The following KIF13B variants were observed in gnomAD, a reference collection of about 807,000 sequenced individuals.
KIF13B encodes the protein kinesin-like protein KIF13B.
Under a neutral mutation model 222.0 loss-of-function variants are expected in KIF13B, and 127 were observed. That is an observed-to-expected ratio of 0.57 (90% CI 0.50 to 0.66). The LOEUF (loss-of-function observed/expected upper bound fraction) is 0.66. KIF13B is among the 30% of genes least tolerant of loss of function. The probability of loss-of-function intolerance (pLI) is 0.00; values close to 1 mark genes in which losing one functional copy is unlikely to be tolerated. For synonymous variants in KIF13B, 976 were observed against 919.0 expected (o/e 1.06, Z -1.12); for missense variants, 2,173 against 2,379.0 (o/e 0.91, Z 1.80).
chr8:29,263,027 T>G lies in KIF13B; in HGVS notation c.8A>C (p.Asp3Ala), dbSNP rs756089214. 6.3e-7 allele frequency: 1 copy of G among 1,591,304 alleles called. No homozygotes were observed. The highest frequency in any genetic ancestry group is 1.1e-5 in the South Asian group (1 of 87,674). Residue 3 changes from aspartate to alanine, a missense_variant, in exon 1 of 40, where the codon GAC (aspartate) becomes GCC (alanine). Coordinates refer to ENST00000524189, the MANE Select transcript of KIF13B (RefSeq NM_015254.4). Reference sequence around the variant, plus strand: ...CCGCACCGCCACTTTCACTTTGGAGTCCCCCATCCTGCAGCCGCCGAGGAA... The same window carrying G: ...CCGCACCGCCACTTTCACTTTGGAGGCCCCCATCCTGCAGCCGCCGAGGAA... MGDSKVKVAVRIR... is the reference protein window; with the variant it reads MGASKVKVAVRIR...
At chr8:29,156,695 T>A (rs2323467) in intron 13 of KIF13B, among the ~76,000 whole-genome samples, 120,478 of 144,250 alleles carry the variant, frequency 0.84, 50,810 homozygotes, top group Non-Finnish European at 0.89. Context: ...TTTTTTTTTT[T>A]TTTTTTGTAG....
In KIF13B at chr8:29,188,563, T is replaced by C; in HGVS notation, c.268A>G (p.Asn90Asp). 6.2e-7 allele frequency: 1 copy of C among 1,612,544 alleles called. No individual in the cohort carries two copies. The highest frequency in any genetic ancestry group is 8.5e-7 in the Non-Finnish European group (1 of 1,178,856). Residue 90 changes from asparagine (N) to aspartate (D), a missense_variant, in exon 5 of 40, where the codon AAT (asparagine) becomes GAT (aspartate). Physicochemically the swap from Asn to Asp is conservative, Grantham distance 23 (BLOSUM62 1). This residue lies in a region of KIF13B where 1,480 missense variants were observed against 1,722.8 expected (regional missense o/e 0.86). Coordinates refer to ENST00000524189, the MANE Select transcript of KIF13B (RefSeq NM_015254.4). ...CATGCATTGTAGCCATCAAAAGCAT[T>C]CTGCAGGATATTCTCTCCAAGGCAC... ...FKCLGENILQ[N>D]AFDGYNACIF...
chr8:29,239,656 T>C lies in KIF13B; in HGVS notation c.149+5690A>G, dbSNP rs115025654. Among the ~76,000 whole-genome samples the C allele has an allele frequency of 3.1e-3, 475 of 152,300 alleles. 6 individuals are homozygous for C. The highest frequency in any genetic ancestry group is 0.011 in the African/African-American group (458 of 41,566). ...CATTACACAATATACCCTTGTTTTTTTTGTTTGTTTGCTTGTTTTGTTTTG... is the reference window on the plus strand; with the variant it reads ...CATTACACAATATACCCTTGTTTTTCTTGTTTGTTTGCTTGTTTTGTTTTG... On this transcript the variant is annotated intron_variant, in intron 2 of 39. Coordinates refer to ENST00000524189, the MANE Select transcript of KIF13B (RefSeq NM_015254.4).
In KIF13B at chr8:29,211,655, A is replaced by G. The variant is rs1258637799; in HGVS notation, c.150-15456T>C. ...CCAAGCAGCCAGAAAAATCACCAGG[A>G]AACAACTAGTACTGAGGAAGCATGT... On this transcript the variant is annotated intron_variant, in intron 2 of 39. Transcript: ENST00000524189. 2.6e-5 allele frequency among the ~76,000 whole-genome samples: 4 copies of G among 152,200 alleles called. No homozygotes were observed. The East Asian group carries it at 7.7e-4, about 29-fold the overall frequency.
chr8:29,243,014 C>T (rs1008988049), intron 2 of KIF13B, among the ~76,000 whole-genome samples: 3 of 152,130 alleles, frequency 2.0e-5, no homozygotes, highest in African/African-American at 7.2e-5. Context: ...TGGTAGACAT[C>T]TATACTCAAG....
chr8:29,130,100 C>A (rs779575619), intron 24 of KIF13B, among the ~76,000 whole-genome samples: 1 of 152,168 alleles, frequency 6.6e-6, no homozygotes, highest in Non-Finnish European at 1.5e-5. Flanking sequence ...CAAATCAATT[C>A]TTTCTAAAGC....
chr8:29,251,391 C>A (rs888603390), intron 1 of KIF13B, among the ~76,000 whole-genome samples: 2 of 152,192 alleles, frequency 1.3e-5, no homozygotes, highest in Non-Finnish European at 2.9e-5. Context: ...CAAGCACCCA[C>A]TGACGAATGG....
chr8:29,156,939 A>G (rs555139552), intron 13 of KIF13B, among the ~76,000 whole-genome samples: 2 of 152,238 alleles, frequency 1.3e-5, no homozygotes, highest in Admixed American at 1.3e-4. Context: ...CTAACCCAAC[A>G]GAAGTCTATT....
chr8:29,136,475 G>A (rs1810558826), intron 21 of KIF13B, among the ~76,000 whole-genome samples: 1 of 152,070 alleles, frequency 6.6e-6, no homozygotes, highest in South Asian at 2.1e-4. Context: ...AGCTACTCAG[G>A]AGACTGAGAC....
At chr8:29,116,084 T>C (rs74564371) in intron 31 of KIF13B, among the ~76,000 whole-genome samples, 20 of 152,218 alleles carry the variant, frequency 1.3e-4, no homozygotes, top group Admixed American at 1.3e-3. Context: ...TCTTTTTGTT[T>C]CTTTTTTGAG....
At chr8:29,206,322 G>C (rs1309037444) in intron 2 of KIF13B, among the ~76,000 whole-genome samples, 2 of 152,154 alleles carry the variant, frequency 1.3e-5, no homozygotes, top group Admixed American at 6.5e-5. Context: ...GTATGCTGAC[G>C]CATGCTTGAT....
At chr8:29,262,729 G>A (rs889431161) in intron 1 of KIF13B, among the ~76,000 whole-genome samples, 196 of 149,724 alleles carry the variant, frequency 1.3e-3, no homozygotes, top group Non-Finnish European at 2.1e-3. Flanking sequence ...GGCGCAGGCG[G>A]AAGGGGCAGC....
At chr8:29,243,655 C>CA (rs879661015) in intron 2 of KIF13B, among the ~76,000 whole-genome samples, 2,673 of 121,386 alleles carry the variant, frequency 0.022, 69 homozygotes, top group African/African-American at 0.074. Context: ...GACTCTGCCT[C>CA]AAAAAAAAAA....
chr8:29,230,055 T>C (rs1586958040), intron 2 of KIF13B, among the ~76,000 whole-genome samples: 2 of 152,286 alleles, frequency 1.3e-5, no homozygotes, highest in East Asian at 1.9e-4. Flanking sequence ...ACTAAGTAGG[T>C]ACCATGTACC....
chr8:29,099,136 G>A lies in KIF13B; in HGVS notation c.4321C>T (p.Pro1441Ser). The change falls in exon 36 of 40, where the codon CCA (proline) becomes TCA (serine). Residue 1441 changes from proline to serine, a missense_variant. Physicochemically the swap from Pro to Ser is moderately conservative, Grantham distance 74 (BLOSUM62 -1). This residue lies in a region of KIF13B where 693 missense variants were observed against 656.2 expected (regional missense o/e 1.06). Transcript: ENST00000524189. ...VSPQNNHSPD[P>S]GLSNLAASYL... ...GACAAGTGAAAAGATAACTTACCTGGATCTGGAGAATGGTTATTTTGGGGA... is the reference window on the plus strand; with the variant it reads ...GACAAGTGAAAAGATAACTTACCTGAATCTGGAGAATGGTTATTTTGGGGA... The A allele has an allele frequency of 6.2e-7, 1 of 1,604,420 alleles. No homozygotes were observed. Among genetic ancestry groups the A allele is most frequent in the Non-Finnish European group, 8.5e-7 (1 of 1,171,138 alleles).
At chr8:29,230,590 G>A (rs181116372) in intron 2 of KIF13B, among the ~76,000 whole-genome samples, 3 of 152,294 alleles carry the variant, frequency 2.0e-5, no homozygotes, top group Admixed American at 2.0e-4. Flanking sequence ...CAAGGCTTCT[G>A]TGGGAGTGTA....
intron 2 of KIF13B, chr8:29,219,156 T>C (rs1360454146): frequency 6.6e-6 from 1 of 152,218 alleles, no homozygotes; most frequent in African/African-American, 2.4e-5. Context: ...GGAGCCTCCT[T>C]TGGCCTTTTT....
At chr8:29,189,224 C>T (rs1813070682) in intron 4 of KIF13B, 1 of 151,952 alleles carries the variant, frequency 6.6e-6, no homozygotes, top group African/African-American at 2.4e-5. Context: ...AGTCTCAATA[C>T]CACATGGAAG....
At chr8:29,159,301 C>A (rs979947261) in intron 13 of KIF13B, among the ~76,000 whole-genome samples, 5 of 152,086 alleles carry the variant, frequency 3.3e-5, no homozygotes, top group Admixed American at 3.3e-4. Flanking sequence ...CAGGCATGTA[C>A]CACCACCCCG....
Sources: gnomAD v4.1 joint callset for allele counts (sites outside exome capture counted in the v4.1 genomes callset) on GRCh38, gnomAD v4.1.1 for gene constraint, gnomAD v4.1.1 regional missense constraint, MANE v1.5 for transcripts, NCBI Gene and HGNC (gene_info 2026-07-23, HGNC 2026-07-21) for gene names.